LCOR: variants seen among roughly 807,000 people sequenced by gnomAD.
The protein encoded by LCOR is ligand-dependent corepressor.
A neutral mutation model predicts 64.4 loss-of-function variants in LCOR; 14 were observed. That is an observed-to-expected ratio of 0.22 (90% CI 0.14 to 0.34). LCOR has a LOEUF of 0.34. LCOR is among the 10% of genes least tolerant of loss of function. The pLI is 1.00. For synonymous variants in LCOR, 643 were observed against 642.5 expected (o/e 1.00, Z -0.01); for missense variants, 1,686 against 1,765.3 (o/e 0.96, Z 0.80).
At chr10:96,889,819 C>T (rs945181170) in intron 2 of LCOR, among the ~76,000 whole-genome samples, 4 of 152,096 alleles carry the variant, frequency 2.6e-5, no homozygotes, top group Admixed American at 6.5e-5. Context: ...TGAGTGTTTC[C>T]GCTGTCAGGT....
rs567634961 is a variant in LCOR, at chr10:96,876,479, T to C, written c.-329-30786T>C. 6.6e-5 allele frequency among the ~76,000 whole-genome samples: 10 copies of C among 152,306 alleles called. No individual in the cohort carries two copies. In the South Asian group the frequency reaches 1.9e-3, roughly 28 times the overall value. The stretch of plus-strand genomic sequence containing the variant: ...GCCTTTAAATTATAAAGGAAATGGT[T>C]TATATAAAAATTAAATACTTTATAT... On this transcript the variant is annotated intron_variant, in intron 2 of 7. Coordinates refer to ENST00000421806, the MANE Select transcript of LCOR (RefSeq NM_001346516.2).
At chr10:96,906,044 C>CA (rs1042693007) in intron 2 of LCOR, among the ~76,000 whole-genome samples, 5 of 152,076 alleles carry the variant, frequency 3.3e-5, no homozygotes, top group African/African-American at 9.7e-5. Context: ...TATTTGTGGT[C>CA]AAAAATTGAT....
At chr10:96,892,027 A>G (rs1163913573) in intron 2 of LCOR, among the ~76,000 whole-genome samples, 7 of 152,094 alleles carry the variant, frequency 4.6e-5, no homozygotes, top group Non-Finnish European at 1.0e-4. Flanking sequence ...GTGTTGCCCT[A>G]GAGGATGTTC....
rs1848080933 is a variant in LCOR at position 96,981,133 on chromosome 10, A to AAC, written c.674_675insCA (p.Lys225AsnfsTer7). 1.4e-6 allele frequency: 1 copy of AAC among 705,032 alleles called. No individual in the cohort carries two copies. The highest frequency in any genetic ancestry group is 1.5e-5 in the South Asian group (1 of 67,628). The allele number at this position is 705,032 out of a possible 1,614,324, so 43.7% of individuals were successfully genotyped here. On this transcript the variant is annotated frameshift_variant, in exon 8 of 8. Transcript: ENST00000421806. LOFTEE classifies it low-confidence loss of function (END_TRUNC). ...ACACTTGACGGAACAGACCCCGAAG[A>AAC]AGCCTCCTCCTGAGATAAACCCTGT...
At chr10:96,920,108 A>G (rs1176388731) in intron 4 of LCOR, among the ~76,000 whole-genome samples, 1 of 152,034 alleles carries the variant, frequency 6.6e-6, no homozygotes, top group African/African-American at 2.4e-5. Context: ...CAGTGCTACC[A>G]GCAAGGCTAA....
At chr10:96,856,864 AAG>A (rs1845813578) in intron 2 of LCOR, among the ~76,000 whole-genome samples, 1 of 152,016 alleles carries the variant, frequency 6.6e-6, no homozygotes, top group Non-Finnish European at 1.5e-5. Context: ...AAAAAAAAAA[AAG>A]TAAAAAAAAT....
At position 96,944,619 on chromosome 10, in the gene LCOR, A is replaced by C. The variant is rs546192466; in HGVS notation, c.-51+374A>C. ...TTTTTTTTTTTTTTTAGTAATTTCA[A>C]CGTGAAATTTCATTTGGAGAGAAAA... On this transcript the variant is annotated intron_variant, in intron 5 of 7. Transcript: ENST00000421806. Among the ~76,000 whole-genome samples, 216 of 151,250 alleles carry C rather than the reference A, an allele frequency of 1.4e-3. 1 individual carries two copies. Among genetic ancestry groups the C allele is most frequent in the African/African-American group, 4.1e-3 (171 of 41,296 alleles).
chr10:96,990,810 C>T lies in LCOR; in HGVS notation c.*5676C>T, dbSNP rs190334961. The T allele has an allele frequency of 2.0e-5, 3 of 152,266 alleles. No individual in the cohort carries two copies. The East Asian group carries it at 5.8e-4, about 29-fold the overall frequency. 9.4% of individuals were successfully genotyped at this position (152,266 alleles called of 1,614,324 possible). A position where few individuals can be genotyped will look rare whatever the true frequency, so the allele number is the denominator to read the frequency against. ...GCTCAGGAGATGTCCTTTGCTCCATCCTTCAGAGGGGCAGTTGTGTAGTTA... is the reference window on the plus strand; with the variant it reads ...GCTCAGGAGATGTCCTTTGCTCCATTCTTCAGAGGGGCAGTTGTGTAGTTA... On this transcript the variant is annotated 3_prime_UTR_variant, in exon 8 of 8. Coordinates refer to ENST00000421806, the MANE Select transcript of LCOR (RefSeq NM_001346516.2).
intron 4 of LCOR, among the ~76,000 whole-genome samples, chr10:96,912,491 AC>A (rs1398280663): frequency 1.3e-5 from 2 of 152,190 alleles, no homozygotes; most frequent in African/African-American, 4.8e-5. Context: ...TTACAGTCTG[AC>A]TGATGTTGTA....
intron 2 of LCOR, among the ~76,000 whole-genome samples, chr10:96,860,368 G>A (rs1035986119): frequency 6.6e-6 from 1 of 152,178 alleles, no homozygotes; most frequent in Admixed American, 6.5e-5. Context: ...ATACAGACAC[G>A]GAAGATGGAG....
chr10:96,983,848 AAAG>A lies in LCOR; in HGVS notation c.3392_3394del (p.Glu1131del), dbSNP rs777567735. On this transcript the variant is annotated inframe_deletion, in exon 8 of 8. Transcript: ENST00000421806. This position sits in a 1 kb window ranked among gnomAD's most constrained non-coding sequence, Gnocchi z 4.5. The stretch of plus-strand genomic sequence containing the variant: ...TCAGAAGGGCTGGATCCAGTTGGAG[AAAG>A]AAGGACAGCCAACACCAAGAGCAAG... The A allele has an allele frequency of 1.7e-5, 27 of 1,614,052 alleles. No homozygotes were observed. Among genetic ancestry groups the A allele is most frequent in the Non-Finnish European group, 6.8e-6 (8 of 1,180,042 alleles).
intron 2 of LCOR, among the ~76,000 whole-genome samples, chr10:96,877,929 G>A (rs1206069043): frequency 6.6e-6 from 1 of 152,148 alleles, no homozygotes; most frequent in Non-Finnish European, 1.5e-5. Flanking sequence ...TATAATAGGA[G>A]AAGAATGAAG....
chr10:96,960,333 G>A (rs1308800701), intron 7 of LCOR: 2 of 152,152 alleles, frequency 1.3e-5, no homozygotes, highest in African/African-American at 4.8e-5. Flanking sequence ...GAGTCAGCTC[G>A]ATGTCAGAAG....
chr10:96,839,331 C>T (rs1294211517), intron 2 of LCOR, among the ~76,000 whole-genome samples: 1 of 152,116 alleles, frequency 6.6e-6, no homozygotes, highest in Non-Finnish European at 1.5e-5. Context: ...CAATACATGA[C>T]CAGATACACT....
rs901710862 is a variant in LCOR, at chr10:96,900,861, G to A, written c.-329-6404G>A. 3.4e-5 allele frequency among the ~76,000 whole-genome samples: 5 copies of A among 148,982 alleles called. No homozygotes were observed. In the South Asian group the frequency reaches 6.3e-4, roughly 19 times the overall value. On this transcript the variant is annotated intron_variant, in intron 2 of 7. Coordinates refer to ENST00000421806, the MANE Select transcript of LCOR (RefSeq NM_001346516.2). ...TCTAGAATTTTGTAAACACTGCTTCGTAGGCTTTTTTTTTTTTTTCTTTTT... is the reference window on the plus strand; with the variant it reads ...TCTAGAATTTTGTAAACACTGCTTCATAGGCTTTTTTTTTTTTTTCTTTTT...
intron 2 of LCOR, among the ~76,000 whole-genome samples, chr10:96,876,732 C>T (rs1846170684): frequency 6.6e-6 from 1 of 152,122 alleles, no homozygotes; most frequent in Non-Finnish European, 1.5e-5. Flanking sequence ...TCTTGTTGCC[C>T]AGGCTAGAGT....
At chr10:96,961,373 A>G (rs1229712067) in intron 7 of LCOR, 2 of 152,082 alleles carry the variant, frequency 1.3e-5, no homozygotes, top group Admixed American at 6.6e-5. Context: ...TATAATATTT[A>G]ATCTCTATTA....
chr10:96,834,491 A>C (rs1845407216), intron 2 of LCOR, among the ~76,000 whole-genome samples: 1 of 152,152 alleles, frequency 6.6e-6, no homozygotes, highest in African/African-American at 2.4e-5. Context: ...ACGTCGGTTT[A>C]AGTACTTTTT....
chr10:96,955,470 A>G, intron 7 of LCOR: 1 of 1,614,174 alleles, frequency 6.2e-7, no homozygotes, highest in Non-Finnish European at 8.5e-7. Flanking sequence ...GGGTTCACAA[A>G]CGGAGAGCGC....
Sources: allele counts gnomAD v4.1 joint callset (sites outside exome capture counted in the v4.1 genomes callset), GRCh38; gene constraint gnomAD v4.1.1; non-coding constraint Gnocchi (gnomAD v3.1); transcripts MANE v1.5; gene names NCBI Gene and HGNC (gene_info 2026-07-23, HGNC 2026-07-21).